Variants in RUNX2 observed in about 807,000 individuals in gnomAD.
RUNX2 encodes the protein RUNX family transcription factor 2, also known as runt-related transcription factor 2.
Under a neutral mutation model 51.7 loss-of-function variants are expected in RUNX2, and 10 were observed. The observed-to-expected ratio is 0.19, with a 90% confidence interval of 0.12 to 0.33. The LOEUF (loss-of-function observed/expected upper bound fraction) is 0.33. Among genes scored for constraint, RUNX2 ranks in the 10% least tolerant of loss-of-function variants. RUNX2 has a pLI of 1.00. For missense variants in RUNX2, 562 were observed against 691.3 expected (o/e 0.81, Z 2.10); for synonymous variants, 276 against 273.6 (o/e 1.01, Z -0.09).
intron 3 of RUNX2, 124 bp downstream of exon 3, chr6:45,423,081 C>T: frequency 7.9e-7 from 1 of 1,262,998 alleles, no homozygotes; most frequent in Non-Finnish European, 1.1e-6. Flanking sequence ...CGGCTCTAAC[C>T]CCAGAAACCC....
At chr6:45,428,867 C>G (rs1444036001) in intron 3 of RUNX2, among the ~76,000 whole-genome samples, 1 of 138,226 alleles carries the variant, frequency 7.2e-6, no homozygotes, top group Non-Finnish European at 1.5e-5. Context: ...GGAAATGTAG[C>G]CAGACTTGAG....
intron 5 of RUNX2, among the ~76,000 whole-genome samples, chr6:45,488,176 G>A (rs1001713052): frequency 7.2e-5 from 11 of 152,150 alleles, no homozygotes; most frequent in African/African-American, 2.4e-4. Flanking sequence ...TTGAGATATA[G>A]CATTCAGAAA....
At chr6:45,424,195 G>C (rs972224117) in intron 3 of RUNX2, among the ~76,000 whole-genome samples, 1 of 152,170 alleles carries the variant, frequency 6.6e-6, no homozygotes, top group East Asian at 1.9e-4. Flanking sequence ...CAGGTGCTCC[G>C]CAGGTTGAGG....
chr6:45,431,724 C>T, intron 3 of RUNX2, 139 bp from the exon 4 acceptor site: 1 of 967,886 alleles, frequency 1.0e-6, no homozygotes, highest in South Asian at 1.3e-5. Context: ...TACACAGATG[C>T]TTCATTCCTG....
chr6:45,424,047 GTGGTGAGAGGCTCC>G (rs2150363526), intron 3 of RUNX2, among the ~76,000 whole-genome samples: 1 of 152,368 alleles, frequency 6.6e-6, no homozygotes, highest in East Asian at 1.9e-4. Context: ...CTTCTGAAAG[GTGGTGAGAGGCTCC>G]TGCTGGTGGC....
chr6:45,540,758 T>C (rs1359606703), intron 7 of RUNX2, among the ~76,000 whole-genome samples: 2 of 152,152 alleles, frequency 1.3e-5, no homozygotes, highest in Non-Finnish European at 2.9e-5. Flanking sequence ...GGCCTGGCCC[T>C]CTTTCCCCTT....
intron 5 of RUNX2, among the ~76,000 whole-genome samples, chr6:45,474,312 G>T (rs538550074): frequency 6.6e-6 from 1 of 151,550 alleles, no homozygotes; most frequent in South Asian, 2.1e-4. Context: ...GGAATATTTG[G>T]GAATAAACTA....
chr6:45,529,161 G>C (rs1801767056), intron 7 of RUNX2, among the ~76,000 whole-genome samples: 1 of 152,086 alleles, frequency 6.6e-6, no homozygotes, highest in Admixed American at 6.5e-5. Flanking sequence ...TATATTTCCT[G>C]TTTAAAATGT....
At chr6:45,478,106 C>T (rs1582153809) in intron 5 of RUNX2, among the ~76,000 whole-genome samples, 1 of 152,172 alleles carries the variant, frequency 6.6e-6, no homozygotes, top group Non-Finnish European at 1.5e-5. Flanking sequence ...AACGCTGTCT[C>T]CTCTGGGAGC....
chr6:45,487,411 T>G (rs914806470), intron 5 of RUNX2, among the ~76,000 whole-genome samples: 2 of 152,204 alleles, frequency 1.3e-5, no homozygotes, highest in Non-Finnish European at 2.9e-5. Flanking sequence ...CTAAATGATT[T>G]CTATTGCCCT....
intron 6 of RUNX2, among the ~76,000 whole-genome samples, chr6:45,494,997 C>A (rs1800603732): frequency 6.6e-6 from 1 of 152,178 alleles, no homozygotes; most frequent in African/African-American, 2.4e-5. Flanking sequence ...TACCCCTTTA[C>A]TCAGCCAGCC....
At chr6:45,458,022 ATT>A (rs67652614) in intron 5 of RUNX2, among the ~76,000 whole-genome samples, 6 of 137,650 alleles carry the variant, frequency 4.4e-5, no homozygotes, top group Admixed American at 7.3e-5. Flanking sequence ...CTGGGATAGG[ATT>A]TTTTTTTTTT....
chr6:45,353,913 G>GA (rs934368578), intron 2 of RUNX2, among the ~76,000 whole-genome samples: 5 of 145,238 alleles, frequency 3.4e-5, no homozygotes, highest in African/African-American at 1.0e-4. Context: ...TCCTTAATAG[G>GA]AAAAAAAAAT....
chr6:45,443,648 G>A (rs1459261945), intron 5 of RUNX2, among the ~76,000 whole-genome samples: 1 of 152,180 alleles, frequency 6.6e-6, no homozygotes, highest in Non-Finnish European at 1.5e-5. Flanking sequence ...AAATTTACTA[G>A]TCTAATCGTA....
chr6:45,523,687 G>A (rs1044953597), intron 7 of RUNX2, among the ~76,000 whole-genome samples: 1 of 151,834 alleles, frequency 6.6e-6, no homozygotes, highest in Non-Finnish European at 1.5e-5. Flanking sequence ...GTAATCCCAG[G>A]ACTTTGGGAG....
At chr6:45,363,042 T>G (rs573368894) in intron 2 of RUNX2, among the ~76,000 whole-genome samples, 2 of 152,242 alleles carry the variant, frequency 1.3e-5, no homozygotes, top group East Asian at 3.9e-4. Context: ...TTTTGTAGTC[T>G]TCTTCTTAAA....
intron 5 of RUNX2, among the ~76,000 whole-genome samples, chr6:45,466,800 G>T (rs1448854847): frequency 6.6e-6 from 1 of 152,130 alleles, no homozygotes; most frequent in Non-Finnish European, 1.5e-5. Context: ...GCTCATCATA[G>T]AACCTTAGAG....
chr6:45,342,199 TTC>T (rs1228655234), intron 2 of RUNX2, among the ~76,000 whole-genome samples: 1 of 152,054 alleles, frequency 6.6e-6, no homozygotes, highest in African/African-American at 2.4e-5. Flanking sequence ...ATAGAATGAG[TTC>T]TCTTTGTCAC....
chr6:45,406,658 G>C (rs1473485241), intron 2 of RUNX2, among the ~76,000 whole-genome samples: 1 of 152,110 alleles, frequency 6.6e-6, no homozygotes, highest in Non-Finnish European at 1.5e-5. Flanking sequence ...CGCCCGCCTT[G>C]GCCCCCCAAA....
Sources: allele counts gnomAD v4.1 joint callset (sites outside exome capture counted in the v4.1 genomes callset), GRCh38; gene constraint gnomAD v4.1.1; transcripts MANE v1.5; gene names NCBI Gene and HGNC (gene_info 2026-07-23, HGNC 2026-07-21).